CDKN2B-AS1: variants seen among roughly 807,000 people sequenced by gnomAD.
The protein encoded by CDKN2B-AS1 is CDKN2B antisense RNA 1 (non-protein coding).
chr9:22,009,051 C>CT (rs879431148), intron 1 of CDKN2B-AS1: 3 of 1,566,612 alleles, frequency 1.9e-6, no homozygotes, highest in Admixed American at 1.7e-5. Flanking sequence ...CCGGCGCACT[C>CT]TCTCCTTCCT....
At chr9:22,113,153 G>C (rs912592609) in intron 4 of CDKN2B-AS1, among the ~76,000 whole-genome samples, 1 of 152,170 alleles carries the variant, frequency 6.6e-6, no homozygotes, top group East Asian at 1.9e-4. Flanking sequence ...TGGGTTCTCT[G>C]CTTAGAATCT....
chr9:22,101,878 G>A (rs911833599), intron 4 of CDKN2B-AS1, among the ~76,000 whole-genome samples: 2 of 152,136 alleles, frequency 1.3e-5, no homozygotes, highest in African/African-American at 4.8e-5. Flanking sequence ...CTAGCAGACT[G>A]GGTTTTGAAG....
At chr9:22,024,053 A>G (rs1465661808) in intron 1 of CDKN2B-AS1, among the ~76,000 whole-genome samples, 1 of 152,024 alleles carries the variant, frequency 6.6e-6, no homozygotes, top group Non-Finnish European at 1.5e-5. Flanking sequence ...TGTGCTGATT[A>G]TTTCTTATCT....
At chr9:22,117,976 AT>A (rs1825997580) in intron 4 of CDKN2B-AS1, 1 of 152,322 alleles carries the variant, frequency 6.6e-6, no homozygotes, top group Non-Finnish European at 1.5e-5. Flanking sequence ...CAGTGAGGCA[AT>A]TGGAGTCTCA....
At position 22,005,948 on chromosome 9, in the gene CDKN2B-AS1, A is replaced by T; in HGVS notation, n.29+10787A>T. ...GTGGGTGGGGGTGGGAAATTGGGTA[A>T]GAAAATAAAGTCGTTGTGGGCGGCT... On this transcript the variant is annotated intron_variant and non_coding_transcript_variant, in intron 1 of 4. Coordinates refer to ENST00000650946, the Ensembl canonical transcript of CDKN2B-AS1. This position sits in a 1 kb window ranked among gnomAD's most constrained non-coding sequence, Gnocchi z 4.9. 6.3e-7 allele frequency: 1 copy of T among 1,597,068 alleles called. No homozygotes were observed. The highest frequency in any genetic ancestry group is 8.5e-7 in the Non-Finnish European group (1 of 1,179,182).
At chr9:22,090,713 A>T (rs1289718923) in intron 4 of CDKN2B-AS1, among the ~76,000 whole-genome samples, 1 of 151,872 alleles carries the variant, frequency 6.6e-6, no homozygotes, top group Non-Finnish European at 1.5e-5. Context: ...TTCATTGTAG[A>T]TTCTGGATAT....
chr9:22,024,272 A>C (rs1822136492), intron 1 of CDKN2B-AS1, among the ~76,000 whole-genome samples: 1 of 152,164 alleles, frequency 6.6e-6, no homozygotes, highest in Admixed American at 6.5e-5. Context: ...ATTGGGCCCC[A>C]ACTTTGTTCT....
chr9:22,055,896 C>T (rs1563950949), intron 3 of CDKN2B-AS1, among the ~76,000 whole-genome samples: 1 of 151,996 alleles, frequency 6.6e-6, no homozygotes, highest in Non-Finnish European at 1.5e-5. Flanking sequence ...AGAATACAAA[C>T]AATTATAGTA....
chr9:22,016,963 A>G (rs1210317418), intron 1 of CDKN2B-AS1, among the ~76,000 whole-genome samples: 1 of 152,240 alleles, frequency 6.6e-6, no homozygotes. Context: ...GCCTCTGCAA[A>G]TTGATTAGTG....
intron 4 of CDKN2B-AS1, among the ~76,000 whole-genome samples, chr9:22,061,515 G>T (rs1327219444): frequency 6.6e-6 from 1 of 152,098 alleles, no homozygotes; most frequent in Admixed American, 6.5e-5. Context: ...ATTAATATGT[G>T]TCTGACTGAC....
intron 4 of CDKN2B-AS1, among the ~76,000 whole-genome samples, chr9:22,084,369 G>A (rs1169328990): frequency 2.0e-5 from 3 of 152,128 alleles, no homozygotes; most frequent in Non-Finnish European, 2.9e-5. Context: ...TTTATATTAT[G>A]TTTAAATACA....
intron 4 of CDKN2B-AS1, among the ~76,000 whole-genome samples, chr9:22,092,095 G>A (rs532296108): frequency 7.9e-5 from 12 of 152,092 alleles, no homozygotes; most frequent in Admixed American, 1.3e-4. Context: ...GGTTTTTGTC[G>A]TTGGTTCTGT....
intron 4 of CDKN2B-AS1, among the ~76,000 whole-genome samples, chr9:22,106,565 G>A (rs72652502): frequency 9.2e-5 from 14 of 152,080 alleles, no homozygotes; most frequent in African/African-American, 3.1e-4. Context: ...TAAAATGAAG[G>A]TACTAGTACT....
chr9:22,073,417 C>T (rs933740806), intron 4 of CDKN2B-AS1, among the ~76,000 whole-genome samples: 2 of 152,016 alleles, frequency 1.3e-5, no homozygotes, highest in Non-Finnish European at 1.5e-5. Context: ...AGCAAAAATC[C>T]CCTAGCATTT....
rs145639196 is a variant in CDKN2B-AS1 at position 22,081,482 on chromosome 9, T to C, written n.438+25095T>C. Reference sequence around the variant, plus strand: ...TACCAACCCAAAGTTGACACTTGAGTCACCTAAGTTCTTCTCTACTCCAGA... The same window carrying C: ...TACCAACCCAAAGTTGACACTTGAGCCACCTAAGTTCTTCTCTACTCCAGA... On this transcript the variant is annotated intron_variant and non_coding_transcript_variant, in intron 4 of 4. Coordinates refer to ENST00000650946, the Ensembl canonical transcript of CDKN2B-AS1. Among the ~76,000 whole-genome samples the C allele has an allele frequency of 7.3e-3, 1,117 of 152,306 alleles. 19 individuals are homozygous for C. Among genetic ancestry groups the C allele is most frequent in the African/African-American group, 0.025 (1,056 of 41,572 alleles).
At chr9:22,016,484 T>C (rs1307764073) in intron 1 of CDKN2B-AS1, among the ~76,000 whole-genome samples, 3 of 152,088 alleles carry the variant, frequency 2.0e-5, no homozygotes, top group East Asian at 3.8e-4. Context: ...GAGCCCGCAT[T>C]GCCAAGTCAA....
intron 4 of CDKN2B-AS1, among the ~76,000 whole-genome samples, chr9:22,083,544 T>C (rs1353648772): frequency 6.6e-6 from 1 of 152,234 alleles, no homozygotes; most frequent in Non-Finnish European, 1.5e-5. Context: ...TCCCATGGCA[T>C]ACCTTGAATA....
chr9:22,023,236 A>G (rs1822084731), intron 1 of CDKN2B-AS1, among the ~76,000 whole-genome samples: 1 of 152,164 alleles, frequency 6.6e-6, no homozygotes. Flanking sequence ...TGGTTCCACT[A>G]TCTTCCATTT....
chr9:22,094,330 C>T (rs1369714022), intron 4 of CDKN2B-AS1, among the ~76,000 whole-genome samples: 3 of 143,224 alleles, frequency 2.1e-5, no homozygotes, highest in Admixed American at 6.8e-5. Context: ...ATCTTTGTGG[C>T]ATTCTCTGTA....
Sources: allele counts gnomAD v4.1 joint callset (sites outside exome capture counted in the v4.1 genomes callset), GRCh38; gene constraint gnomAD v4.1.1; non-coding constraint Gnocchi (gnomAD v3.1); transcripts MANE v1.5; gene names NCBI Gene and HGNC (gene_info 2026-07-23, HGNC 2026-07-21).